Variants in UBAC2 observed in about 807,000 individuals in gnomAD.
UBAC2 encodes ubiquitin-associated domain-containing protein 2.
Under a neutral mutation model 44.0 loss-of-function variants are expected in UBAC2, and 26 were observed. The ratio of observed to expected loss-of-function variants is 0.59; its 90% CI spans 0.43 to 0.82. UBAC2 has a LOEUF of 0.82. UBAC2 is among the 40% of genes least tolerant of loss of function. The pLI is 0.00. For missense variants in UBAC2, 329 were observed against 419.4 expected (o/e 0.78, Z 1.88); for synonymous variants, 155 against 154.3 (o/e 1.00, Z -0.04).
chr13:99,221,045 A>G (rs891031406), intron 1 of UBAC2, among the ~76,000 whole-genome samples: 4 of 152,188 alleles, frequency 2.6e-5, no homozygotes, highest in Non-Finnish European at 4.4e-5. Context: ...AAGGTACAAA[A>G]TATTTTTCTA....
At chr13:99,362,275 T>C (rs1044675680) in intron 7 of UBAC2, among the ~76,000 whole-genome samples, 1 of 152,210 alleles carries the variant, frequency 6.6e-6, no homozygotes, top group Non-Finnish European at 1.5e-5. Context: ...ATTAATTTAT[T>C]TCCCTCCTTA....
intron 1 of UBAC2, among the ~76,000 whole-genome samples, chr13:99,210,420 T>C (rs1238470662): frequency 6.6e-6 from 1 of 152,058 alleles, no homozygotes; most frequent in Non-Finnish European, 1.5e-5. Flanking sequence ...CCCAAGAGAA[T>C]CTTTTAAAAT....
In UBAC2 at chr13:99,266,699, G is replaced by A. The variant is rs148086884; in HGVS notation, c.389+22075G>A. 3.0e-3 allele frequency among the ~76,000 whole-genome samples: 452 copies of A among 152,132 alleles called. 12 individuals carry two copies. The highest frequency in any genetic ancestry group is 0.026 in the Admixed American group (393 of 15,284). ...TGACATGTTAAATATATATATATAT[G>A]TATTAGACAATTTATCGTCTTAACC... On this transcript the variant is annotated intron_variant, in intron 4 of 8. Transcript: ENST00000403766.
chr13:99,367,953 G>C (rs1445893916), intron 8 of UBAC2, 47 bp downstream of exon 8: 3 of 1,591,644 alleles, frequency 1.9e-6, no homozygotes, highest in Non-Finnish European at 2.6e-6. Flanking sequence ...CCATGTTTCA[G>C]AGTTGAAGCA....
At chr13:99,232,427 C>T (rs552058268) in intron 1 of UBAC2, among the ~76,000 whole-genome samples, 639 of 60,912 alleles carry the variant, frequency 0.01, 13 homozygotes, top group African/African-American at 0.023. Flanking sequence ...TATATTCACA[C>T]ACACATACTC....
At chr13:99,243,439 A>G (rs2043344572) in intron 2 of UBAC2, among the ~76,000 whole-genome samples, 1 of 152,088 alleles carries the variant, frequency 6.6e-6, no homozygotes, top group Non-Finnish European at 1.5e-5. Context: ...GTTTATACCT[A>G]AGTTGTTTTT....
chr13:99,332,314 A>C lies in UBAC2; in HGVS notation c.562-8006A>C, dbSNP rs76510902. Reference sequence around the variant, plus strand: ...CTCTCTATAATCAAGAGTGTTTTGCATGTTTTCTACCCAGCAAATTAAATT... The same window carrying C: ...CTCTCTATAATCAAGAGTGTTTTGCCTGTTTTCTACCCAGCAAATTAAATT... On this transcript the variant is annotated intron_variant, in intron 6 of 8. Coordinates refer to ENST00000403766, the MANE Select transcript of UBAC2 (RefSeq NM_001144072.2). Among the ~76,000 whole-genome samples, 12 of 152,294 alleles carry C rather than the reference A, an allele frequency of 7.9e-5. No homozygotes were observed. In the East Asian group the frequency reaches 2.1e-3, roughly 27 times the overall value.
At chr13:99,356,111 G>T in intron 7 of UBAC2, 1 of 522,930 alleles carries the variant, frequency 1.9e-6, no homozygotes. Context: ...ACAAGACTTG[G>T]GACACATGTC....
At chr13:99,272,339 C>T (rs1410718134) in intron 4 of UBAC2, among the ~76,000 whole-genome samples, 1 of 152,176 alleles carries the variant, frequency 6.6e-6, no homozygotes, top group Non-Finnish European at 1.5e-5. Flanking sequence ...GTTTCAACAT[C>T]ACCCACTTTC....
intron 1 of UBAC2, among the ~76,000 whole-genome samples, chr13:99,213,601 C>A (rs886821602): frequency 6.6e-6 from 1 of 152,004 alleles, no homozygotes; most frequent in Admixed American, 6.6e-5. Flanking sequence ...CTCAGGTGAT[C>A]CGCACGACTC....
At chr13:99,282,225 T>TGG (rs11406335) in intron 4 of UBAC2, among the ~76,000 whole-genome samples, 3 of 151,734 alleles carry the variant, frequency 2.0e-5, no homozygotes, top group African/African-American at 7.3e-5. Flanking sequence ...AAATGACACT[T>TGG]GGGGGGCAAA....
At position 99,367,969 on chromosome 13, in the gene UBAC2, G is replaced by C; in HGVS notation, c.927+63G>C. The stretch of plus-strand genomic sequence containing the variant: ...CATGTTTCAGAGTTGAAGCAGTTTC[G>C]ATCAACAGGACTCAAAAGTAATCAA... On this transcript the variant is annotated intron_variant, in intron 8 of 8. Coordinates refer to ENST00000403766, the MANE Select transcript of UBAC2 (RefSeq NM_001144072.2). 3 of 1,571,054 alleles carry C rather than the reference G, an allele frequency of 1.9e-6. 1 individual carries two copies. The highest frequency in any genetic ancestry group is 1.8e-4 in the Middle Eastern group (1 of 5,682).
intron 4 of UBAC2, among the ~76,000 whole-genome samples, chr13:99,252,600 G>A (rs1338909187): frequency 6.6e-6 from 1 of 152,198 alleles, no homozygotes; most frequent in Admixed American, 6.5e-5. Context: ...GGCATTTCTA[G>A]TAACTCATTC....
At chr13:99,268,840 G>T (rs967252249) in intron 4 of UBAC2, among the ~76,000 whole-genome samples, 3 of 152,086 alleles carry the variant, frequency 2.0e-5, no homozygotes, top group African/African-American at 7.2e-5. Context: ...GTCCAGGTTG[G>T]CATCAGGATG....
intron 4 of UBAC2, among the ~76,000 whole-genome samples, chr13:99,296,945 A>G (rs1216694263): frequency 1.3e-5 from 2 of 152,194 alleles, no homozygotes; most frequent in African/African-American, 2.4e-5. Context: ...CATAGTAGCA[A>G]GCATCACACT....
At position 99,280,215 on chromosome 13, in the gene UBAC2, T is replaced by A. The variant is rs577834148; in HGVS notation, c.390-33882T>A. On this transcript the variant is annotated intron_variant, in intron 4 of 8. Coordinates refer to ENST00000403766, the MANE Select transcript of UBAC2 (RefSeq NM_001144072.2). ...GGCTTCCTCCTGCTGTTTTATAAAG[T>A]TTAACTTGCTTGTGACACACCTCAG... is the stretch of plus-strand genomic sequence containing the variant. Among the ~76,000 whole-genome samples the A allele has an allele frequency of 5.3e-4, 80 of 152,296 alleles. 2 individuals are homozygous for A. The highest frequency in any genetic ancestry group is 3.5e-3 in the South Asian group (17 of 4,826).
chr13:99,236,138 G>T (rs2043229980), intron 1 of UBAC2, among the ~76,000 whole-genome samples: 1 of 152,202 alleles, frequency 6.6e-6, no homozygotes. Flanking sequence ...CAGGACGTTG[G>T]TCTGGGCAAA....
At chr13:99,362,528 GT>G (rs2045278720) in intron 7 of UBAC2, among the ~76,000 whole-genome samples, 1 of 152,152 alleles carries the variant, frequency 6.6e-6, no homozygotes, top group African/African-American at 2.4e-5. Context: ...ACTCAGTATT[GT>G]TGGGCTGTGT....
At chr13:99,269,424 GTTA>G (rs2043789136) in intron 4 of UBAC2, among the ~76,000 whole-genome samples, 1 of 152,140 alleles carries the variant, frequency 6.6e-6, no homozygotes, top group South Asian at 2.1e-4. Context: ...GCAATGTAGA[GTTA>G]TTATTATATT....
Sources: gnomAD v4.1 joint callset for allele counts (sites outside exome capture counted in the v4.1 genomes callset) on GRCh38, gnomAD v4.1.1 for gene constraint, MANE v1.5 for transcripts, NCBI Gene and HGNC (gene_info 2026-07-23, HGNC 2026-07-21) for gene names.